The following ARL15 variants were observed in gnomAD, a reference collection of about 807,000 sequenced individuals.
ARL15 encodes the protein ADP-ribosylation factor-like protein 15.
A neutral mutation model predicts 25.2 loss-of-function variants in ARL15; 19 were observed. The ratio of observed to expected loss-of-function variants is 0.75; its 90% CI spans 0.53 to 1.10. ARL15 has a LOEUF of 1.10. ARL15 is among the 50% of genes least tolerant of loss of function. The pLI is 0.00. For synonymous variants in ARL15, 94 were observed against 86.8 expected (o/e 1.08, Z -0.46); for missense variants, 220 against 246.0 (o/e 0.89, Z 0.71).
intron 1 of ARL15, among the ~76,000 whole-genome samples, chr5:54,230,972 T>C (rs1756655627): frequency 6.6e-6 from 1 of 152,176 alleles, no homozygotes. Context: ...CACTACAGAA[T>C]CTCACTAATA....
chr5:54,038,090 C>A (rs540202311), intron 4 of ARL15, among the ~76,000 whole-genome samples: 1 of 151,886 alleles, frequency 6.6e-6, no homozygotes, highest in Non-Finnish European at 1.5e-5. Flanking sequence ...ATTTAATGCC[C>A]AGTAATTTAT....
intron 4 of ARL15, among the ~76,000 whole-genome samples, chr5:54,032,347 C>T (rs1750019409): frequency 6.6e-6 from 1 of 151,974 alleles, no homozygotes; most frequent in Non-Finnish European, 1.5e-5. Context: ...AATTCTCCTA[C>T]CTTAACCTCC....
At chr5:54,010,223 C>T (rs895157706) in intron 4 of ARL15, among the ~76,000 whole-genome samples, 5 of 152,190 alleles carry the variant, frequency 3.3e-5, no homozygotes, top group Admixed American at 3.3e-4. Context: ...ACAATCCATG[C>T]ATAGTAGTAA....
At chr5:53,987,611 C>A (rs1748339011) in intron 4 of ARL15, among the ~76,000 whole-genome samples, 1 of 151,938 alleles carries the variant, frequency 6.6e-6, no homozygotes, top group Non-Finnish European at 1.5e-5. Flanking sequence ...AAGCTCAAGT[C>A]AAGTTTCTTT....
At chr5:54,071,698 G>A (rs535937844) in intron 4 of ARL15, among the ~76,000 whole-genome samples, 4 of 152,108 alleles carry the variant, frequency 2.6e-5, no homozygotes, top group South Asian at 4.2e-4. Flanking sequence ...CCGGCCAGGC[G>A]CGGTGGCTCA....
chr5:54,069,351 A>C (rs962442030), intron 4 of ARL15, among the ~76,000 whole-genome samples: 8 of 152,048 alleles, frequency 5.3e-5, no homozygotes, highest in African/African-American at 1.9e-4. Flanking sequence ...AGGGTGGATC[A>C]CCTCAGGTCA....
chr5:54,266,670 G>A lies in ARL15; in HGVS notation c.48+43762C>T, dbSNP rs532418385. ...AACAGAACATAGAAGGATTTGAAAT[G>A]CTGGCATTTAGAAATATAGTCAATT... On this transcript the variant is annotated intron_variant, in intron 1 of 4. Transcript: ENST00000504924. Among the ~76,000 whole-genome samples the A allele has an allele frequency of 2.6e-5, 4 of 152,274 alleles. No individual in the cohort carries two copies. In the South Asian group the frequency reaches 8.3e-4, roughly 32 times the overall value.
chr5:54,106,162 G>T (rs1228751232), intron 4 of ARL15, among the ~76,000 whole-genome samples: 1 of 152,084 alleles, frequency 6.6e-6, no homozygotes, highest in Non-Finnish European at 1.5e-5. Context: ...TTGTAAATAC[G>T]ATAATTAACA....
intron 1 of ARL15, among the ~76,000 whole-genome samples, chr5:54,283,609 C>A (rs1758115281): frequency 6.6e-6 from 1 of 152,188 alleles, no homozygotes; most frequent in African/African-American, 2.4e-5. Context: ...TCCTCAGAGC[C>A]CAAGACTAAG....
At chr5:54,279,545 C>T (rs982252582) in intron 1 of ARL15, among the ~76,000 whole-genome samples, 4 of 152,176 alleles carry the variant, frequency 2.6e-5, no homozygotes, top group Admixed American at 1.3e-4. Context: ...TCATCTAAAC[C>T]TAATTATCTC....
At chr5:54,058,770 A>G (rs1253024380) in intron 4 of ARL15, among the ~76,000 whole-genome samples, 1 of 152,172 alleles carries the variant, frequency 6.6e-6, no homozygotes, top group Non-Finnish European at 1.5e-5. Flanking sequence ...GCTTTTCCCC[A>G]TGGGAGCCAC....
intron 1 of ARL15, among the ~76,000 whole-genome samples, chr5:54,189,362 A>G (rs999158174): frequency 1.3e-5 from 2 of 152,150 alleles, no homozygotes; most frequent in African/African-American, 4.8e-5. Flanking sequence ...ACAAAGAACA[A>G]AGCTGGAGCT....
chr5:54,065,159 T>A (rs1424078994), intron 4 of ARL15, among the ~76,000 whole-genome samples: 2 of 152,134 alleles, frequency 1.3e-5, no homozygotes. Flanking sequence ...ATAAAAGAGT[T>A]TTAATAGTTT....
chr5:54,285,995 C>T (rs1038833394), intron 1 of ARL15, among the ~76,000 whole-genome samples: 2 of 152,152 alleles, frequency 1.3e-5, no homozygotes, highest in African/African-American at 4.8e-5. Flanking sequence ...TTGGGAATGC[C>T]ACCTACTTCA....
intron 3 of ARL15, among the ~76,000 whole-genome samples, chr5:54,120,091 G>A (rs1232358425): frequency 6.6e-6 from 1 of 152,124 alleles, no homozygotes; most frequent in Non-Finnish European, 1.5e-5. Flanking sequence ...AGTTTTTAAA[G>A]AATTAATCTT....
chr5:54,010,114 C>T (rs1749184766), intron 4 of ARL15, among the ~76,000 whole-genome samples: 1 of 152,092 alleles, frequency 6.6e-6, no homozygotes, highest in African/African-American at 2.4e-5. Flanking sequence ...GAAAGCCCTC[C>T]CGAAAAACAC....
chr5:54,114,710 G>C (rs1334848112), intron 3 of ARL15, among the ~76,000 whole-genome samples: 1 of 152,156 alleles, frequency 6.6e-6, no homozygotes, highest in Non-Finnish European at 1.5e-5. Context: ...ATTTGCATGA[G>C]TTAGCAGACA....
intron 1 of ARL15, among the ~76,000 whole-genome samples, chr5:54,220,129 C>A (rs955572547): frequency 1.3e-5 from 2 of 152,082 alleles, no homozygotes; most frequent in East Asian, 3.9e-4. Flanking sequence ...AGGGTAACTG[C>A]CATACAATTA....
intron 3 of ARL15, among the ~76,000 whole-genome samples, chr5:54,117,370 TACACACACACAC>T (rs71600803): frequency 9.0e-4 from 130 of 143,880 alleles, no homozygotes; most frequent in African/African-American, 3.1e-3. Flanking sequence ...GTGAGACACA[TACACACACACAC>T]ACACACACAC....
Sources: gnomAD v4.1 joint callset for allele counts (sites outside exome capture counted in the v4.1 genomes callset) on GRCh38, gnomAD v4.1.1 for gene constraint, MANE v1.5 for transcripts, NCBI Gene and HGNC (gene_info 2026-07-23, HGNC 2026-07-21) for gene names.